The following PTPRD variants were observed in gnomAD, a reference collection of about 807,000 sequenced individuals.
PTPRD encodes receptor-type tyrosine-protein phosphatase delta.
Under a neutral mutation model 214.5 loss-of-function variants are expected in PTPRD, and 34 were observed. The ratio of observed to expected loss-of-function variants is 0.16; its 90% CI spans 0.12 to 0.21. PTPRD has a LOEUF of 0.21. Among genes scored for constraint, PTPRD ranks in the 10% least tolerant of loss-of-function variants. The pLI, the probability that PTPRD is intolerant of heterozygous loss-of-function variation, is 1.00. For missense variants in PTPRD, 2,545 were observed against 2,398.7 expected, an observed-to-expected ratio of 1.06 and a Z score of -1.27; for synonymous variants, 1,128 against 845.7, an observed-to-expected ratio of 1.33 and a Z score of -5.79.
intron 11 of PTPRD, among the ~76,000 whole-genome samples, chr9:8,806,415 T>C (rs1022266114): frequency 2.0e-5 from 3 of 152,128 alleles, no homozygotes; most frequent in African/African-American, 4.8e-5. Flanking sequence ...ACACAACCAA[T>C]ATTCATATGT....
chr9:10,467,258 A>G (rs2099001018), intron 2 of PTPRD, among the ~76,000 whole-genome samples: 1 of 152,240 alleles, frequency 6.6e-6, no homozygotes, highest in East Asian at 1.9e-4. Context: ...GGCATCTGCC[A>G]AAAGGGAATA....
chr9:9,330,159 C>T (rs950445371), intron 9 of PTPRD, among the ~76,000 whole-genome samples: 1 of 152,102 alleles, frequency 6.6e-6, no homozygotes, highest in South Asian at 2.1e-4. Context: ...CCCCCTGCTT[C>T]TCTTTTCTCC....
rs1410317325 is a variant in PTPRD, at chr9:10,556,899, T to C, written c.-600+55499A>G. 3.9e-5 allele frequency among the ~76,000 whole-genome samples: 6 copies of C among 152,054 alleles called. No individual in the cohort carries two copies. In the South Asian group the frequency reaches 1.2e-3, roughly 31 times the overall value. On this transcript the variant is annotated intron_variant, in intron 2 of 45. Transcript: ENST00000381196. ...AAGAGTGAAAAAAATGCTAACTTGG[T>C]TAGAAACGTTGAAAAAATAATACAA...
rs777014224 is a variant in PTPRD at position 8,504,388 on chromosome 9, C to T, written c.1695G>A (p.Glu565=). ...CTTGCAGCCTATATGATGTCCCTGG[C>T]TCAATGGTAATTCGTTGCTGGAAGC... The part of the protein sequence containing the change: ...EHGEEQRITI[E]PGTSYRLQGL... Residue 565 remains glutamate (E), a synonymous_variant, in exon 23 of 46, where the codon GAG becomes GAA. Coordinates refer to ENST00000381196, the MANE Select transcript of PTPRD (RefSeq NM_002839.4). 1 of 1,614,092 alleles carries T rather than the reference C, an allele frequency of 6.2e-7. No individual in the cohort carries two copies. The highest frequency in any genetic ancestry group is 1.7e-5 in the Admixed American group (1 of 60,010).
chr9:8,709,874 G>A (rs1361767554), intron 12 of PTPRD, among the ~76,000 whole-genome samples: 1 of 152,036 alleles, frequency 6.6e-6, no homozygotes, highest in East Asian at 1.9e-4. Context: ...AATAAAGATG[G>A]GCAAATGAAG....
chr9:10,502,317 A>G (rs535018959), intron 2 of PTPRD, among the ~76,000 whole-genome samples: 3 of 152,066 alleles, frequency 2.0e-5, no homozygotes, highest in African/African-American at 7.2e-5. Context: ...GAGAAAGAAC[A>G]TATAAAATTT....
At chr9:8,622,011 C>G (rs1344583344) in intron 14 of PTPRD, among the ~76,000 whole-genome samples, 2 of 151,752 alleles carry the variant, frequency 1.3e-5, no homozygotes, top group East Asian at 3.9e-4. Flanking sequence ...TAATGAAGTC[C>G]TCTGAGGGAG....
rs1019781710 is a variant in PTPRD, at chr9:8,317,617, G to A, written c.*257C>T. 5.7e-6 allele frequency: 2 copies of A among 350,028 alleles called. No individual in the cohort carries two copies. The highest frequency in any genetic ancestry group is 1.1e-5 in the Non-Finnish European group (2 of 185,292). 21.7% of individuals were successfully genotyped at this position (350,028 alleles called of 1,614,324 possible). A position where few individuals can be genotyped will look rare whatever the true frequency, so the allele number is the denominator to read the frequency against. ...TCTTCCCTTGATTTTGAATCCTTGAGGTATCTGTAAATAAAATCCTTCAGA... is the reference window on the plus strand; with the variant it reads ...TCTTCCCTTGATTTTGAATCCTTGAAGTATCTGTAAATAAAATCCTTCAGA... On this transcript the variant is annotated 3_prime_UTR_variant, in exon 46 of 46. Coordinates refer to ENST00000381196, the MANE Select transcript of PTPRD (RefSeq NM_002839.4).
At chr9:8,584,444 T>G (rs1183113980) in intron 14 of PTPRD, among the ~76,000 whole-genome samples, 2 of 145,220 alleles carry the variant, frequency 1.4e-5, no homozygotes, top group Admixed American at 6.8e-5. Flanking sequence ...ACTAACTGAT[T>G]AGTTACTGAA....
intron 7 of PTPRD, among the ~76,000 whole-genome samples, chr9:9,588,048 C>T (rs912890254): frequency 1.3e-5 from 2 of 151,894 alleles, no homozygotes; most frequent in Middle Eastern, 3.2e-3. Flanking sequence ...TCATGGATAT[C>T]TCAAATATCC....
intron 14 of PTPRD, among the ~76,000 whole-genome samples, chr9:8,593,045 C>A (rs1209457552): frequency 6.6e-6 from 1 of 152,110 alleles, no homozygotes; most frequent in Non-Finnish European, 1.5e-5. Flanking sequence ...AGGGGAACAG[C>A]AAAAGACAAG....
intron 3 of PTPRD, among the ~76,000 whole-genome samples, chr9:10,208,221 G>C (rs1007669534): frequency 3.3e-5 from 5 of 151,822 alleles, no homozygotes; most frequent in Non-Finnish European, 5.9e-5. Flanking sequence ...TGAGGTATAA[G>C]ACTGAAACCG....
At chr9:8,709,079 C>T (rs185868879) in intron 12 of PTPRD, among the ~76,000 whole-genome samples, 66 of 151,874 alleles carry the variant, frequency 4.3e-4, no homozygotes, top group Non-Finnish European at 2.9e-4. Context: ...GGAATAGTGG[C>T]TATCAGAGGC....
intron 12 of PTPRD, among the ~76,000 whole-genome samples, chr9:8,678,529 G>A (rs573275120): frequency 2.6e-5 from 4 of 152,130 alleles, no homozygotes; most frequent in African/African-American, 7.2e-5. Flanking sequence ...CAAGTTTAAC[G>A]AGGGCAAAAG....
chr9:10,434,957 C>G lies in PTPRD; in HGVS notation c.-599-93940G>C, dbSNP rs187695085. On this transcript the variant is annotated intron_variant, in intron 2 of 45. Transcript: ENST00000381196. ...GAGTGAGGTACAATCTCTATGCTACCCCGAGCGCTGGACTAGGAATTGGTA... is the reference window on the plus strand; with the variant it reads ...GAGTGAGGTACAATCTCTATGCTACGCCGAGCGCTGGACTAGGAATTGGTA... Among the ~76,000 whole-genome samples the G allele has an allele frequency of 8.6e-5, 13 of 151,760 alleles. No homozygotes were observed. The East Asian group carries it at 2.5e-3, about 30-fold the overall frequency.
chr9:10,078,988 CTTTTT>C, intron 3 of PTPRD, among the ~76,000 whole-genome samples: 1 of 152,022 alleles, frequency 6.6e-6, no homozygotes, highest in South Asian at 2.1e-4. Context: ...ATGAGTAGAA[CTTTTT>C]TTTCTTTTTC....
At chr9:8,713,797 C>G in intron 12 of PTPRD, 1 of 1,533,994 alleles carries the variant, frequency 6.5e-7, no homozygotes, top group Non-Finnish European at 8.8e-7. Flanking sequence ...GCGCCTTCAG[C>G]ACAAGCCACG....
At chr9:9,656,193 A>G (rs2096508532) in intron 7 of PTPRD, among the ~76,000 whole-genome samples, 1 of 152,212 alleles carries the variant, frequency 6.6e-6, no homozygotes. Context: ...TGATACAGCC[A>G]TTTTGGAAGA....
Position 8,602,664 on chromosome 9 carries a change from T to C in PTPRD, c.352+30653A>G, listed in dbSNP as rs575929020. Among the ~76,000 whole-genome samples, 11 of 152,310 alleles carry C rather than the reference T, an allele frequency of 7.2e-5. No individual in the cohort carries two copies. In the South Asian group the frequency reaches 1.4e-3, roughly 20 times the overall value. On this transcript the variant is annotated intron_variant, in intron 14 of 45. Transcript: ENST00000381196. ...CTCAGACACTACAGACAATCGTCAA[T>C]AGAAAAGACTGTCAACTTGAATGAA...
Sources: gnomAD v4.1 joint callset for allele counts (sites outside exome capture counted in the v4.1 genomes callset) on GRCh38, gnomAD v4.1.1 for gene constraint, MANE v1.5 for transcripts, NCBI Gene and HGNC (gene_info 2026-07-23, HGNC 2026-07-21) for gene names.